Variants in BRSK2 observed in about 807,000 individuals in gnomAD.
BRSK2 encodes serine/threonine-protein kinase BRSK2.
BRSK2 carries 19 observed loss-of-function variants against 83.3 expected under a neutral mutation model. The ratio of observed to expected loss-of-function variants is 0.23; its 90% CI spans 0.16 to 0.33. The LOEUF (loss-of-function observed/expected upper bound fraction) is 0.33. Ranked by LOEUF, BRSK2 falls within the 10% of genes least tolerant of loss-of-function variation. BRSK2 has a pLI of 1.00. For missense variants in BRSK2, 798 were observed against 1,042.3 expected, an observed-to-expected ratio of 0.77 and a Z score of 3.23; for synonymous variants, 519 against 435.4, an observed-to-expected ratio of 1.19 and a Z score of -2.39.
chr11:1,407,318 C>A (rs1438165814), intron 1 of BRSK2, among the ~76,000 whole-genome samples: 1 of 152,126 alleles, frequency 6.6e-6, no homozygotes, highest in Non-Finnish European at 1.5e-5. Flanking sequence ...TGCAGAGGGC[C>A]CTGCTGCCCC....
chr11:1,419,193 G>A (rs1397993533), intron 1 of BRSK2, among the ~76,000 whole-genome samples: 9 of 147,832 alleles, frequency 6.1e-5, no homozygotes, highest in South Asian at 2.2e-4. Flanking sequence ...CTGCAGGTGC[G>A]TGTCAGGTGT....
Position 1,460,631 on chromosome 11 carries a change from G to GCTGGCC in BRSK2, c.2127_2132dup (p.Pro711_Gly712dup). 3.3e-6 allele frequency: 5 copies of GCTGGCC among 1,529,620 alleles called. No homozygotes were observed. The highest frequency in any genetic ancestry group is 2.5e-5 in the East Asian group (1 of 40,630). 94.8% of individuals were successfully genotyped at this position (1,529,620 alleles called of 1,614,324 possible). A position where few individuals can be genotyped will look rare whatever the true frequency, so the allele number is the denominator to read the frequency against. On this transcript the variant is annotated inframe_insertion, in exon 20 of 20. Transcript: ENST00000528841. ...CGGCCCACTCGGTGACTCCGCGGCCGCTGGCCCTGGCCCCGGAGGGGACGC... is the reference window on the plus strand; with the variant it reads ...CGGCCCACTCGGTGACTCCGCGGCCGCTGGCCCTGGCCCTGGCCCCGGAGGGGACGC...
At position 1,427,172 on chromosome 11, in the gene BRSK2, C is replaced by T. The variant is rs542190859; in HGVS notation, c.92-8868C>T. Among the ~76,000 whole-genome samples, 377 of 152,212 alleles carry T rather than the reference C, an allele frequency of 2.5e-3. 3 individuals carry two copies. Among genetic ancestry groups the T allele is most frequent in the African/African-American group, 8.8e-3 (366 of 41,548 alleles). ...TGGCTTCCTGGGGGCAGGGCGCTGC[C>T]GGCAGAGCTGCAGAACTGAGCCCTC... On this transcript the variant is annotated intron_variant, in intron 1 of 19. Coordinates refer to ENST00000528841, the MANE Select transcript of BRSK2 (RefSeq NM_001256627.2).
chr11:1,438,563 AG>A lies in BRSK2; in HGVS notation c.272+174del. ...ACCTGCCTGGGTAGGGTCTCAGCCC[AG>A]GCTGCTGTGGTCTCTGCTTCTGGAC... is the stretch of plus-strand genomic sequence containing the variant. On this transcript the variant is annotated intron_variant, in intron 3 of 19. Coordinates refer to ENST00000528841, the MANE Select transcript of BRSK2 (RefSeq NM_001256627.2). This position sits in a 1 kb window ranked among gnomAD's most constrained non-coding sequence, Gnocchi z 6.4. Among the ~76,000 whole-genome samples, 1 of 152,124 alleles carries A rather than the reference AG, an allele frequency of 6.6e-6. No homozygotes were observed. The highest frequency in any genetic ancestry group is 6.5e-5 in the Admixed American group (1 of 15,288).
chr11:1,443,982 A>G (rs1314706461), intron 8 of BRSK2, among the ~76,000 whole-genome samples: 1 of 152,084 alleles, frequency 6.6e-6, no homozygotes, highest in Admixed American at 6.5e-5. Context: ...ACCCAGGCAC[A>G]TGCCCAGGTT....
chr11:1,414,357 C>T lies in BRSK2; in HGVS notation c.92-21683C>T, dbSNP rs967238512. Among the ~76,000 whole-genome samples, 6 of 152,192 alleles carry T rather than the reference C, an allele frequency of 3.9e-5. No homozygotes were observed. In the East Asian group the frequency reaches 1.2e-3, roughly 29 times the overall value. On this transcript the variant is annotated intron_variant, in intron 1 of 19. Transcript: ENST00000528841. ...GGATGCCACTGCCCCACAGTGTGCT[C>T]CGGGGATCTCAGGGCGCTAGGAACT... is the stretch of plus-strand genomic sequence containing the variant.
At chr11:1,402,371 A>G (rs1276096551) in intron 1 of BRSK2, among the ~76,000 whole-genome samples, 2 of 152,242 alleles carry the variant, frequency 1.3e-5, no homozygotes, top group African/African-American at 4.8e-5. Context: ...GAGTTTGAGA[A>G]GGTGGCCTTG....
At chr11:1,395,338 C>T (rs1288386374) in intron 1 of BRSK2, among the ~76,000 whole-genome samples, 1 of 152,182 alleles carries the variant, frequency 6.6e-6, no homozygotes, top group Non-Finnish European at 1.5e-5. Context: ...CCCTGGCCCC[C>T]TGAAGTCCCT....
At chr11:1,435,609 G>A (rs1284650719) in intron 1 of BRSK2, among the ~76,000 whole-genome samples, 2 of 148,122 alleles carry the variant, frequency 1.4e-5, no homozygotes, top group Admixed American at 6.7e-5. Context: ...TGGGGGTCTC[G>A]GCGGAGGGCT....
In BRSK2 at chr11:1,390,978, A is replaced by G. The variant is rs939074182; in HGVS notation, c.91+603A>G. On this transcript the variant is annotated intron_variant, in intron 1 of 19. Transcript: ENST00000528841. This position sits in a 1 kb window ranked among gnomAD's most constrained non-coding sequence, Gnocchi z 6.8. ...TCTGTGACCTGCATTCCCACGGGGC[A>G]GGGAGAGGCCATTGGTGCTGGGACC... 1.3e-5 allele frequency among the ~76,000 whole-genome samples: 2 copies of G among 152,066 alleles called. No individual in the cohort carries two copies. Among genetic ancestry groups the G allele is most frequent in the Admixed American group, 6.5e-5 (1 of 15,278 alleles).
In BRSK2 at chr11:1,394,656, T is replaced by TC. The variant is rs528877933; in HGVS notation, c.91+4283dup. On this transcript the variant is annotated intron_variant, in intron 1 of 19. Transcript: ENST00000528841. ...CCTGGAGATGGGCCATGGAGATGGG[T>TC]CCTGGAGATGGGCCCCTGGAGATGG... Among the ~76,000 whole-genome samples, 121 of 67,142 alleles carry TC rather than the reference T, an allele frequency of 1.8e-3. 7 individuals carry two copies. The highest frequency in any genetic ancestry group is 2.9e-3 in the Admixed American group (17 of 5,962). The allele number at this position is 67,142 out of a possible 152,430, so 44.0% of individuals were successfully genotyped here.
chr11:1,438,530 G>A lies in BRSK2; in HGVS notation c.272+139G>A. On this transcript the variant is annotated intron_variant, in intron 3 of 19. Transcript: ENST00000528841. This position sits in a 1 kb window ranked among gnomAD's most constrained non-coding sequence, Gnocchi z 6.4. ...CATCCCAGCAGCCCTGGCCCTGCTA[G>A]CATGAACACCTGCCTGGGTAGGGTC... 1.4e-6 allele frequency: 1 copy of A among 726,792 alleles called. No individual in the cohort carries two copies. The highest frequency in any genetic ancestry group is 1.8e-5 in the African/African-American group (1 of 56,300). The allele number at this position is 726,792 out of a possible 1,614,324, so 45.0% of individuals were successfully genotyped here.
chr11:1,426,246 ATGTGTGTGGGGCGTGCTCCG>A (rs1564826603), intron 1 of BRSK2, among the ~76,000 whole-genome samples: 2 of 145,124 alleles, frequency 1.4e-5, no homozygotes, highest in African/African-American at 2.6e-5. Context: ...TGCTCCGGGG[ATGTGTGTGGGGCGTGCTCCG>A]GGGATGTGTG....
intron 1 of BRSK2, among the ~76,000 whole-genome samples, chr11:1,413,195 G>A (rs944143091): frequency 2.0e-5 from 3 of 152,102 alleles, no homozygotes; most frequent in Non-Finnish European, 4.4e-5. Context: ...AGCTCCCCTG[G>A]GGGCTTCTGC....
intron 18 of BRSK2, among the ~76,000 whole-genome samples, chr11:1,457,996 C>T (rs866685282): frequency 2.6e-5 from 4 of 152,176 alleles, no homozygotes; most frequent in South Asian, 4.1e-4. Context: ...TTCCCTACAG[C>T]GGAGGCCATG....
In BRSK2 at chr11:1,460,424, C is replaced by T; in HGVS notation, c.1988-76C>T. ...TTGTTCTCTTTCTCTCTCCTTCCCT[C>T]CCCTCCTCTTTCTCTCCCCCTTTTT... On this transcript the variant is annotated intron_variant, in intron 19 of 19. Transcript: ENST00000528841. 4 of 923,724 alleles carry T rather than the reference C, an allele frequency of 4.3e-6. No individual in the cohort carries two copies. In the South Asian group the frequency reaches 6.3e-5, roughly 15 times the overall value. The allele number at this position is 923,724 out of a possible 1,614,324, so 57.2% of individuals were successfully genotyped here.
At chr11:1,394,026 C>T (rs1312637435) in intron 1 of BRSK2, among the ~76,000 whole-genome samples, 2 of 128,882 alleles carry the variant, frequency 1.6e-5, no homozygotes, top group African/African-American at 2.9e-5. Flanking sequence ...GGAGATGGGC[C>T]ATGGAGATGG....
chr11:1,449,758 G>C lies in BRSK2; in HGVS notation c.1227-18G>C, dbSNP rs1183151865. ...TGCCCCCTGGCTGAGCAGTGGCCCT[G>C]TACCTTGTGACCTCCAGGTCTCGGT... On this transcript the variant is annotated intron_variant, in intron 12 of 19. Transcript: ENST00000528841. The C allele has an allele frequency of 6.2e-7, 1 of 1,610,590 alleles. No individual in the cohort carries two copies. The highest frequency in any genetic ancestry group is 8.5e-7 in the Non-Finnish European group (1 of 1,178,556).
Position 1,454,777 on chromosome 11 carries a change from T to C in BRSK2, c.1668+169T>C, listed in dbSNP as rs1410936924. Among the ~76,000 whole-genome samples, 1 of 152,154 alleles carries C rather than the reference T, an allele frequency of 6.6e-6. No individual in the cohort carries two copies. The highest frequency in any genetic ancestry group is 1.5e-5 in the Non-Finnish European group (1 of 68,026). ...CCTTCACTGGACAGGCGCTCTCTCC[T>C]GCCCACCCTCGTGAGGGAGGGGTCA... On this transcript the variant is annotated intron_variant, in intron 16 of 19. Coordinates refer to ENST00000528841, the MANE Select transcript of BRSK2 (RefSeq NM_001256627.2). The surrounding 1 kb of genome is among the most constrained non-coding windows in gnomAD (Gnocchi z 5.2).
Sources: allele counts gnomAD v4.1 joint callset (sites outside exome capture counted in the v4.1 genomes callset), GRCh38; gene constraint gnomAD v4.1.1; non-coding constraint Gnocchi (gnomAD v3.1); transcripts MANE v1.5; gene names NCBI Gene and HGNC (gene_info 2026-07-23, HGNC 2026-07-21).